The following ELAVL1 variants were observed in gnomAD, a reference collection of about 807,000 sequenced individuals.
ELAVL1 encodes the protein ELAV-like protein 1.
Under a neutral mutation model 28.4 loss-of-function variants are expected in ELAVL1, and 1 was observed. The observed-to-expected ratio is 0.04, with a 90% confidence interval of 0.01 to 0.17. The LOEUF (loss-of-function observed/expected upper bound fraction) is 0.17. Among genes scored for constraint, ELAVL1 ranks in the 10% least tolerant of loss-of-function variants. ELAVL1 has a pLI of 1.00. For synonymous variants in ELAVL1, 174 were observed against 183.5 expected, an observed-to-expected ratio of 0.95 and a Z score of 0.42; for missense variants, 157 against 447.2, an observed-to-expected ratio of 0.35 and a Z score of 5.85.
Position 7,961,138 on chromosome 19 carries a change from TA to T in ELAVL1, c.*2344del, listed in dbSNP as rs1315208011. 6.6e-6 allele frequency: 1 copy of T among 152,252 alleles called. No individual in the cohort carries two copies. The highest frequency in any genetic ancestry group is 1.9e-4 in the East Asian group (1 of 5,200). The allele number at this position is 152,252 out of a possible 1,614,324, so 9.4% of individuals were successfully genotyped here. A position where few individuals can be genotyped will look rare whatever the true frequency, so the allele number is the denominator to read the frequency against. ...CTTCTCACCTGTCCCAGCATCAGAA[TA>T]ATTGATAGGATTCAGATAAAAGGGG... On this transcript the variant is annotated 3_prime_UTR_variant, in exon 6 of 6. Coordinates refer to ENST00000407627, the MANE Select transcript of ELAVL1 (RefSeq NM_001419.3).
intron 1 of ELAVL1, among the ~76,000 whole-genome samples, chr19:7,994,501 G>A (rs1009585641): frequency 9.2e-5 from 14 of 152,242 alleles, no homozygotes; most frequent in African/African-American, 3.4e-4. Context: ...GTAGGCAAAG[G>A]ATGTGAGCAG....
chr19:7,968,280 G>T (rs1381132371), intron 4 of ELAVL1, among the ~76,000 whole-genome samples: 1 of 152,184 alleles, frequency 6.6e-6, no homozygotes, highest in African/African-American at 2.4e-5. Flanking sequence ...GTGACAGCAG[G>T]CCTCGTGGCC....
intron 1 of ELAVL1, among the ~76,000 whole-genome samples, chr19:7,993,794 G>C (rs947345054): frequency 6.6e-6 from 1 of 152,090 alleles, no homozygotes; most frequent in African/African-American, 2.4e-5. Context: ...CAGTGCCCAC[G>C]GTCATGCGCC....
rs1361292039 is a variant in ELAVL1 at position 7,982,668 on chromosome 19, T to A, written c.173-1482A>T. On this transcript the variant is annotated intron_variant, in intron 2 of 5. Coordinates refer to ENST00000407627, the MANE Select transcript of ELAVL1 (RefSeq NM_001419.3). This position sits in a 1 kb window ranked among gnomAD's most constrained non-coding sequence, Gnocchi z 4.3. ...ATGCTGGTGACGATGAATGTTCCCA[T>A]TACCTCTAGTCCACGCCCCAGCCGC... is the stretch of plus-strand genomic sequence containing the variant. Among the ~76,000 whole-genome samples the A allele has an allele frequency of 6.6e-6, 1 of 152,200 alleles. No individual in the cohort carries two copies. The highest frequency in any genetic ancestry group is 2.4e-5 in the African/African-American group (1 of 41,458).
At chr19:7,984,588 G>C (rs1236240127) in intron 2 of ELAVL1, among the ~76,000 whole-genome samples, 1 of 152,200 alleles carries the variant, frequency 6.6e-6, no homozygotes, top group Non-Finnish European at 1.5e-5. Flanking sequence ...ACAGGCCAGG[G>C]CAGTAGAGGA....
chr19:7,993,991 T>C (rs140133815), intron 1 of ELAVL1, among the ~76,000 whole-genome samples: 10 of 152,202 alleles, frequency 6.6e-5, no homozygotes, highest in Admixed American at 3.9e-4. Context: ...ATGTGGAAAA[T>C]CAGTACAATT....
At position 7,961,915 on chromosome 19, in the gene ELAVL1, A is replaced by G. The variant is rs185439379; in HGVS notation, c.*1568T>C. 1.3e-4 allele frequency: 20 copies of G among 152,530 alleles called. No homozygotes were observed. Among genetic ancestry groups the G allele is most frequent in the African/African-American group, 4.8e-4 (20 of 41,576 alleles). The allele number at this position is 152,530 out of a possible 1,614,324, so 9.4% of individuals were successfully genotyped here. On this transcript the variant is annotated 3_prime_UTR_variant, in exon 6 of 6. Transcript: ENST00000407627. ...CTCATGAGAGCAATAACTAAAAAACAGCCTACGGTCACGTTTTAGTCTCAC... is the reference window on the plus strand; with the variant it reads ...CTCATGAGAGCAATAACTAAAAAACGGCCTACGGTCACGTTTTAGTCTCAC...
chr19:7,976,860 GT>G (rs1366444309), intron 3 of ELAVL1, among the ~76,000 whole-genome samples: 4,962 of 133,168 alleles, frequency 0.037, 242 homozygotes, highest in African/African-American at 0.13. Context: ...TTTTTTTTTA[GT>G]TTTTTTTGTA....
chr19:7,976,840 ATTTT>A (rs764204939), intron 3 of ELAVL1, among the ~76,000 whole-genome samples: 1 of 132,968 alleles, frequency 7.5e-6, no homozygotes, highest in Non-Finnish European at 1.6e-5. Flanking sequence ...GACACGCTAC[ATTTT>A]TTTTTTTTTT....
intron 1 of ELAVL1, among the ~76,000 whole-genome samples, chr19:8,002,390 C>A (rs1365363912): frequency 6.6e-6 from 1 of 152,088 alleles, no homozygotes; most frequent in Non-Finnish European, 1.5e-5. Flanking sequence ...AGATGACCTA[C>A]ACACATCATG....
At chr19:8,000,153 G>A (rs887073765) in intron 1 of ELAVL1, among the ~76,000 whole-genome samples, 1 of 152,036 alleles carries the variant, frequency 6.6e-6, no homozygotes. Context: ...AACTCCTGAC[G>A]TCAAGTGATC....
intron 1 of ELAVL1, among the ~76,000 whole-genome samples, chr19:8,002,833 G>A (rs1396641783): frequency 5.3e-5 from 8 of 152,272 alleles, no homozygotes; most frequent in South Asian, 2.1e-4. Flanking sequence ...GTGCAGGGGC[G>A]GGGAGGGTTA....
In ELAVL1 at chr19:7,997,923, C is replaced by T. The variant is rs553925291; in HGVS notation, c.-16-6092G>A. 3.9e-5 allele frequency among the ~76,000 whole-genome samples: 6 copies of T among 152,204 alleles called. No homozygotes were observed. In the South Asian group the frequency reaches 6.2e-4, roughly 16 times the overall value. On this transcript the variant is annotated intron_variant, in intron 1 of 5. Coordinates refer to ENST00000407627, the MANE Select transcript of ELAVL1 (RefSeq NM_001419.3). ...CTATGATTGTGCCACTGCAGTCCAGCGTGGGCGACAGAGTGAGATCCTGCC... is the reference window on the plus strand; with the variant it reads ...CTATGATTGTGCCACTGCAGTCCAGTGTGGGCGACAGAGTGAGATCCTGCC...
Position 7,963,844 on chromosome 19 carries a change from C to T in ELAVL1, c.657-37G>A, listed in dbSNP as rs1984877458. On this transcript the variant is annotated intron_variant, in intron 5 of 5. Transcript: ENST00000407627. This position sits in a 1 kb window ranked among gnomAD's most constrained non-coding sequence, Gnocchi z 4.5. ...AGAGCAAGCGTCAGGCCACGGTCAGCGCAGGCGGCCTGGGGATGGGGCAAG... is the reference window on the plus strand; with the variant it reads ...AGAGCAAGCGTCAGGCCACGGTCAGTGCAGGCGGCCTGGGGATGGGGCAAG... 3.8e-6 allele frequency: 6 copies of T among 1,592,664 alleles called. No individual in the cohort carries two copies. Among genetic ancestry groups the T allele is most frequent in the South Asian group, 1.1e-5 (1 of 88,618 alleles).
intron 4 of ELAVL1, 87 bp from the exon 5 acceptor site, chr19:7,967,877 G>T: frequency 7.0e-7 from 1 of 1,429,306 alleles, no homozygotes; most frequent in Non-Finnish European, 9.5e-7. Context: ...TCAGTCTACT[G>T]TGGGCCAGGC....
chr19:7,990,338 G>GTT (rs752741632), intron 2 of ELAVL1, among the ~76,000 whole-genome samples: 22,386 of 141,002 alleles, frequency 0.16, 2,000 homozygotes, highest in Non-Finnish European at 0.22. Context: ...TTTTAAATTA[G>GTT]TTTTTTTTTT....
rs572773949 is a variant in ELAVL1 at position 7,994,269 on chromosome 19, G to A, written c.-16-2438C>T. On this transcript the variant is annotated intron_variant, in intron 1 of 5. Transcript: ENST00000407627. ...AGGGCAATGTCTGGAGACATTTTTG[G>A]TTACTGTGACTTGGTCAGGGCCAGG... Among the ~76,000 whole-genome samples, 20 of 151,510 alleles carry A rather than the reference G, an allele frequency of 1.3e-4. No homozygotes were observed. In the South Asian group the frequency reaches 3.3e-3, roughly 25 times the overall value.
intron 1 of ELAVL1, among the ~76,000 whole-genome samples, chr19:7,996,275 G>A (rs1181912877): frequency 3.3e-5 from 5 of 150,162 alleles, no homozygotes; most frequent in East Asian, 2.0e-4. Flanking sequence ...TCCACCTCCC[G>A]GGTTCATGCC....
At chr19:8,004,391 T>C (rs1415471092) in intron 1 of ELAVL1, among the ~76,000 whole-genome samples, 1 of 152,184 alleles carries the variant, frequency 6.6e-6, no homozygotes, top group Non-Finnish European at 1.5e-5. Context: ...AGTTCAGTAA[T>C]GGTTCTCACC....
Sources: gnomAD v4.1 joint callset for allele counts (sites outside exome capture counted in the v4.1 genomes callset) on GRCh38, gnomAD v4.1.1 for gene constraint, Gnocchi (gnomAD v3.1) non-coding constraint, MANE v1.5 for transcripts, NCBI Gene and HGNC (gene_info 2026-07-23, HGNC 2026-07-21) for gene names.